Variants in OSTN observed in about 807,000 individuals in gnomAD.
OSTN encodes osteocrin.
Under a neutral mutation model 12.0 loss-of-function variants are expected in OSTN, and 9 were observed. That is an observed-to-expected ratio of 0.75 (90% CI 0.45 to 1.30). OSTN has a LOEUF of 1.30. Ranked by LOEUF, OSTN falls within the 50% of genes most tolerant of loss-of-function variation. The pLI is 0.00. For missense variants in OSTN, 148 were observed against 152.3 expected, an observed-to-expected ratio of 0.97 and a Z score of 0.15; for synonymous variants, 59 against 56.9, an observed-to-expected ratio of 1.04 and a Z score of -0.16.
At chr3:191,213,008 T>G (rs1454142623) in intron 2 of OSTN, among the ~76,000 whole-genome samples, 4 of 151,212 alleles carry the variant, frequency 2.6e-5, no homozygotes, top group Non-Finnish European at 5.9e-5. Context: ...GTAGCTGGGA[T>G]TATAGGCATG....
intron 3 of OSTN, among the ~76,000 whole-genome samples, chr3:191,239,884 C>A (rs947244625): frequency 7.2e-5 from 11 of 152,120 alleles, no homozygotes; most frequent in Admixed American, 2.6e-4. Flanking sequence ...TTCAGGTTAT[C>A]GGCTTGCTTC....
chr3:191,200,911 A>G lies in OSTN; in HGVS notation c.-1+1604A>G, dbSNP rs16866324. ...GGCAGAAAACTAGACTTCTAATTCT[A>G]GTTCTGACTTCGACAGCTTTATGGA... On this transcript the variant is annotated intron_variant, in intron 1 of 4. Coordinates refer to ENST00000682035, the MANE Select transcript of OSTN (RefSeq NM_198184.2). 0.02 allele frequency among the ~76,000 whole-genome samples: 3,020 copies of G among 152,268 alleles called. 174 individuals are homozygous for G. In the East Asian group the frequency reaches 0.21, roughly 10 times the overall value.
chr3:191,213,962 T>A (rs1425770944), intron 2 of OSTN, among the ~76,000 whole-genome samples: 1 of 152,106 alleles, frequency 6.6e-6, no homozygotes, highest in East Asian at 1.9e-4. Context: ...TTATCAGGCT[T>A]ATATAAGGAA....
chr3:191,199,377 C>T (rs1352385426), intron 1 of OSTN, 70 bp downstream of exon 1: 1 of 152,002 alleles, frequency 6.6e-6, no homozygotes, highest in African/African-American at 2.4e-5. Flanking sequence ...TTCACAGACT[C>T]TTTAAATGTT....
intron 2 of OSTN, chr3:191,217,135 G>A (rs1258892006): frequency 2.0e-5 from 3 of 152,254 alleles, no homozygotes; most frequent in Admixed American, 1.3e-4. Flanking sequence ...GGGGAAGCAA[G>A]GCACCTTCTT....
rs1464213881 is a variant in OSTN, at chr3:191,265,486, CTTA to C, written c.*2634_*2636del. On this transcript the variant is annotated 3_prime_UTR_variant, in exon 5 of 5. Transcript: ENST00000682035. ...CTTAAACCAAATTATGAAAAAATAA[CTTA>C]ATGGAATCTTCTAAAAGGAAAAAGT... 2 of 152,162 alleles carry C rather than the reference CTTA, an allele frequency of 1.3e-5. No individual in the cohort carries two copies. The highest frequency in any genetic ancestry group is 4.8e-5 in the African/African-American group (2 of 41,452). 9.4% of individuals were successfully genotyped at this position (152,162 alleles called of 1,614,324 possible).
intron 4 of OSTN, among the ~76,000 whole-genome samples, chr3:191,259,131 C>A (rs1365544396): frequency 1.3e-5 from 2 of 151,894 alleles, no homozygotes; most frequent in Admixed American, 1.3e-4. Context: ...AGACCTTTTC[C>A]TGTGGTACCA....
At chr3:191,257,185 CAAAA>C (rs71175391) in intron 4 of OSTN, among the ~76,000 whole-genome samples, 7,900 of 72,158 alleles carry the variant, frequency 0.11, 769 homozygotes, top group African/African-American at 0.31. Context: ...AACCCTCTCT[CAAAA>C]AAAAAAAAAA....
chr3:191,205,428 C>T (rs1169988916), intron 1 of OSTN, among the ~76,000 whole-genome samples: 2 of 133,112 alleles, frequency 1.5e-5, no homozygotes, highest in African/African-American at 3.0e-5. Flanking sequence ...TTTGGAGTCA[C>T]GTCAAGTAAA....
chr3:191,238,974 T>C (rs1576934510), intron 3 of OSTN, among the ~76,000 whole-genome samples: 1 of 152,254 alleles, frequency 6.6e-6, no homozygotes, highest in East Asian at 1.9e-4. Flanking sequence ...ATACATTTGC[T>C]GAACAGAAGT....
chr3:191,224,998 A>T (rs977265949), intron 3 of OSTN, among the ~76,000 whole-genome samples: 1 of 152,144 alleles, frequency 6.6e-6, no homozygotes, highest in Non-Finnish European at 1.5e-5. Flanking sequence ...GAAAGCTGAA[A>T]TCAGTAAGTT....
At chr3:191,243,593 T>A (rs1326552089) in intron 3 of OSTN, among the ~76,000 whole-genome samples, 2 of 152,110 alleles carry the variant, frequency 1.3e-5, no homozygotes, top group Non-Finnish European at 2.9e-5. Context: ...ATAAATTGTA[T>A]AAATTTAGGG....
chr3:191,262,768 A>C, intron 4 of OSTN, 98 bp from the exon 5 acceptor site: 1 of 656,392 alleles, frequency 1.5e-6, no homozygotes, highest in East Asian at 2.8e-5. Flanking sequence ...AACAGCATGT[A>C]ATTAAAGACT....
At position 191,250,559 on chromosome 3, in the gene OSTN, G is replaced by A. The variant is rs561459762; in HGVS notation, c.*12+426G>A. Among the ~76,000 whole-genome samples the A allele has an allele frequency of 7.2e-5, 11 of 152,264 alleles. 1 individual carries two copies. The South Asian group carries it at 2.3e-3, about 32-fold the overall frequency. ...ACGTTATTAGAATTATGATAATGTGGAGCATAGGGGAGAAAATGCACAGCA... is the reference window on the plus strand; with the variant it reads ...ACGTTATTAGAATTATGATAATGTGAAGCATAGGGGAGAAAATGCACAGCA... On this transcript the variant is annotated intron_variant, in intron 4 of 4. Coordinates refer to ENST00000682035, the MANE Select transcript of OSTN (RefSeq NM_198184.2).
At chr3:191,244,683 A>C (rs1459850000) in intron 3 of OSTN, among the ~76,000 whole-genome samples, 1 of 149,224 alleles carries the variant, frequency 6.7e-6, no homozygotes, top group African/African-American at 2.4e-5. Context: ...TTCACTTCTG[A>C]TGGATATAGA....
chr3:191,221,678 A>G (rs1368894568), intron 3 of OSTN, among the ~76,000 whole-genome samples: 1 of 151,838 alleles, frequency 6.6e-6, no homozygotes, highest in Non-Finnish European at 1.5e-5. Context: ...AGCAGGGCAT[A>G]AAAGTTTGAA....
chr3:191,230,683 G>A (rs1715032140), intron 3 of OSTN, among the ~76,000 whole-genome samples: 1 of 152,054 alleles, frequency 6.6e-6, no homozygotes, highest in African/African-American at 2.4e-5. Flanking sequence ...AGGAGAGTTG[G>A]GGTCACAAAG....
At chr3:191,232,534 A>T in intron 3 of OSTN, among the ~76,000 whole-genome samples, 1 of 148,806 alleles carries the variant, frequency 6.7e-6, no homozygotes, top group African/African-American at 2.5e-5. Flanking sequence ...AATTATGTTT[A>T]TTTTTATTTT....
At chr3:191,231,955 A>T (rs1715068083) in intron 3 of OSTN, among the ~76,000 whole-genome samples, 1 of 152,088 alleles carries the variant, frequency 6.6e-6, no homozygotes, top group African/African-American at 2.4e-5. Flanking sequence ...TTTTTAATTA[A>T]TTTGCAATAA....
Sources: allele counts gnomAD v4.1 joint callset (sites outside exome capture counted in the v4.1 genomes callset), GRCh38; gene constraint gnomAD v4.1.1; transcripts MANE v1.5; gene names NCBI Gene and HGNC (gene_info 2026-07-23, HGNC 2026-07-21).